The following CEP350 variants were observed in gnomAD, a reference collection of about 807,000 sequenced individuals.
CEP350 encodes the protein centrosome-associated protein 350.
Under a neutral mutation model 331.8 loss-of-function variants are expected in CEP350, and 126 were observed. The observed-to-expected ratio is 0.38, with a 90% confidence interval of 0.33 to 0.44. CEP350 has a LOEUF of 0.44. Among genes scored for constraint, CEP350 ranks in the 20% least tolerant of loss-of-function variants. The pLI is 1.00. For synonymous variants in CEP350, 1,200 were observed against 1,259.5 expected (o/e 0.95, Z 1.00); for missense variants, 3,406 against 3,634.6 (o/e 0.94, Z 1.62).
In CEP350 at chr1:179,990,488, G is replaced by A; in HGVS notation, c.121-19G>A. 7.8e-7 allele frequency: 1 copy of A among 1,278,154 alleles called. No homozygotes were observed. Among genetic ancestry groups the A allele is most frequent in the Non-Finnish European group, 1.1e-6 (1 of 900,016 alleles). 79.2% of individuals were successfully genotyped at this position (1,278,154 alleles called of 1,614,324 possible). ...TTTACAGAATTAACTTATGTCTTATGATGGTGTTTAAACTTTAGCTGAGAC... is the reference window on the plus strand; with the variant it reads ...TTTACAGAATTAACTTATGTCTTATAATGGTGTTTAAACTTTAGCTGAGAC... On this transcript the variant is annotated intron_variant, in intron 3 of 37. Transcript: ENST00000367607.
Position 180,020,346 on chromosome 1 carries a change from A to G in CEP350, c.2572A>G (p.Asn858Asp). The G allele has an allele frequency of 6.2e-7, 1 of 1,613,880 alleles. No homozygotes were observed. The highest frequency in any genetic ancestry group is 1.1e-5 in the South Asian group (1 of 91,084). The change falls in exon 12 of 38, where the codon AAC (asparagine) becomes GAC (aspartate). Residue 858 changes from asparagine (N) to aspartate (D), a missense_variant. Around this residue, in one of 5 missense-constraint regions of CEP350, gnomAD observed 1,857 missense variants for 1,909.2 expected, o/e 0.97. Transcript: ENST00000367607. ...CAGCATTAACTATGGGTCAGCATGGAACACTGAGTATGATGTGCAGCAGGC... is the reference window on the plus strand; with the variant it reads ...CAGCATTAACTATGGGTCAGCATGGGACACTGAGTATGATGTGCAGCAGGC... Reference protein sequence around the residue: ...GASINYGSAWNTEYDVQQAPQ... With the variant: ...GASINYGSAWDTEYDVQQAPQ...
chr1:179,999,775 T>C (rs2148729407), intron 6 of CEP350, among the ~76,000 whole-genome samples: 1 of 152,302 alleles, frequency 6.6e-6, no homozygotes, highest in East Asian at 1.9e-4. Flanking sequence ...TGTATTTATT[T>C]ATTTTCTTCC....
In CEP350 at chr1:180,086,559, AT is replaced by A. The variant is rs1435663271; in HGVS notation, c.6286-1018del. Reference sequence around the variant, plus strand: ...GATATGCATATATATATATATATATATAAAATACATAGCAGTTCATATAAAA... The same window carrying A: ...GATATGCATATATATATATATATATAAAAATACATAGCAGTTCATATAAAA... On this transcript the variant is annotated intron_variant, in intron 31 of 37. Coordinates refer to ENST00000367607, the MANE Select transcript of CEP350 (RefSeq NM_014810.5). Among the ~76,000 whole-genome samples, 446 of 151,508 alleles carry A rather than the reference AT, an allele frequency of 2.9e-3. 2 individuals carry two copies. The highest frequency in any genetic ancestry group is 0.01 in the African/African-American group (418 of 41,270).
intron 27 of CEP350, among the ~76,000 whole-genome samples, chr1:180,071,443 G>A (rs1350351262): frequency 7.0e-6 from 1 of 142,318 alleles, no homozygotes; most frequent in Non-Finnish European, 1.5e-5. Flanking sequence ...TGGGCAACAC[G>A]AGTGAAACTC....
intron 37 of CEP350, among the ~76,000 whole-genome samples, chr1:180,100,935 A>T (rs2149165682): frequency 6.6e-6 from 1 of 152,320 alleles, no homozygotes; most frequent in African/African-American, 2.4e-5. Context: ...GAATTCTGGG[A>T]GATACAATTC....
rs907765437 is a variant in CEP350 at position 180,114,518 on chromosome 1, C to T, written c.*3357C>T. 1 of 152,626 alleles carries T rather than the reference C, an allele frequency of 6.6e-6. No individual in the cohort carries two copies. Among genetic ancestry groups the T allele is most frequent in the African/African-American group, 2.4e-5 (1 of 41,446 alleles). 9.5% of individuals were successfully genotyped at this position (152,626 alleles called of 1,614,324 possible). A position where few individuals can be genotyped will look rare whatever the true frequency, so the allele number is the denominator to read the frequency against. ...TAAACTGATGTAAAGGAGGTACTGTCATTTTAATTAACCTATGTTTAATAG... is the reference window on the plus strand; with the variant it reads ...TAAACTGATGTAAAGGAGGTACTGTTATTTTAATTAACCTATGTTTAATAG... On this transcript the variant is annotated 3_prime_UTR_variant, in exon 38 of 38. Transcript: ENST00000367607.
At chr1:180,086,803 G>A (rs1170239697) in intron 31 of CEP350, among the ~76,000 whole-genome samples, 3 of 152,088 alleles carry the variant, frequency 2.0e-5, no homozygotes, top group African/African-American at 7.2e-5. Context: ...AGTGATTTCA[G>A]TCCAGATTTT....
At position 180,041,212 on chromosome 1, in the gene CEP350, G is replaced by C. The variant is rs1344054384; in HGVS notation, c.4185G>C (p.Gln1395His). Reference protein sequence around the residue: ...LKAEQEALESQRQLEETRNKA... With the variant: ...LKAEQEALESHRQLEETRNKA... ...CTGAACAAGAGGCTCTGGAGAGTCA[G>C]AGACAATTAGAAGAAACCCGAAACA... The change falls in exon 18 of 38, where the codon CAG becomes CAC. Residue 1395 changes from glutamine to histidine, a missense_variant. Gln to His is a conservative substitution (Grantham distance 24). This residue lies in a region of CEP350 where 1,857 missense variants were observed against 1,909.2 expected (regional missense o/e 0.97). Coordinates refer to ENST00000367607, the MANE Select transcript of CEP350 (RefSeq NM_014810.5). 1 of 1,595,604 alleles carries C rather than the reference G, an allele frequency of 6.3e-7. No homozygotes were observed. Among genetic ancestry groups the C allele is most frequent in the Non-Finnish European group, 8.5e-7 (1 of 1,171,048 alleles).
chr1:180,056,472 C>G (rs1369260632), intron 25 of CEP350, among the ~76,000 whole-genome samples: 1 of 116,614 alleles, frequency 8.6e-6, no homozygotes, highest in Non-Finnish European at 1.7e-5. Context: ...CCCTCCCCCC[C>G]CCCCTTTTTT....
chr1:180,088,101 T>C (rs1432747223), intron 32 of CEP350, among the ~76,000 whole-genome samples: 1 of 152,236 alleles, frequency 6.6e-6, no homozygotes, highest in East Asian at 1.9e-4. Flanking sequence ...AAATGTGGGG[T>C]ACTGAAAATC....
rs551513724 is a variant in CEP350, at chr1:180,110,588, T to G, written c.9190-409T>G. ...TTTTTGACTTAATGATATTTTCAAT[T>G]TACTGCGAATTTATTGGACATAACT... On this transcript the variant is annotated intron_variant, in intron 37 of 37. Transcript: ENST00000367607. Among the ~76,000 whole-genome samples, 139 of 152,338 alleles carry G rather than the reference T, an allele frequency of 9.1e-4. 1 individual carries two copies. The highest frequency in any genetic ancestry group is 3.2e-3 in the Admixed American group (49 of 15,302).
At chr1:179,982,939 C>T (rs556245704) in intron 1 of CEP350, among the ~76,000 whole-genome samples, 52 of 151,734 alleles carry the variant, frequency 3.4e-4, no homozygotes, top group African/African-American at 1.1e-3. Context: ...TACAGGCACC[C>T]GCCACCATGC....
At chr1:180,026,554 C>A (rs1390566059) in intron 14 of CEP350, among the ~76,000 whole-genome samples, 1 of 152,176 alleles carries the variant, frequency 6.6e-6, no homozygotes, top group Non-Finnish European at 1.5e-5. Context: ...GCAAGCATCA[C>A]CACTGTCCTT....
chr1:180,035,493 A>G (rs1185239443), intron 16 of CEP350, among the ~76,000 whole-genome samples: 1 of 152,184 alleles, frequency 6.6e-6, no homozygotes, highest in Admixed American at 6.5e-5. Context: ...CTGATGACTT[A>G]AAGTTGAAGC....
At chr1:180,048,505 G>A (rs1267970223) in intron 21 of CEP350, 31 bp from the exon 22 acceptor site, 9 of 1,478,368 alleles carry the variant, frequency 6.1e-6, no homozygotes, top group Non-Finnish European at 8.4e-6. Context: ...TGTTAATTTT[G>A]TTGTTGTTGT....
At chr1:180,015,631 A>G (rs1654926524) in intron 10 of CEP350, among the ~76,000 whole-genome samples, 1 of 152,044 alleles carries the variant, frequency 6.6e-6, no homozygotes, top group Non-Finnish European at 1.5e-5. Flanking sequence ...TTGACCTCTC[A>G]AAGTGCCTGG....
intron 27 of CEP350, among the ~76,000 whole-genome samples, chr1:180,074,617 T>C (rs536473378): frequency 1.6e-4 from 25 of 152,318 alleles, no homozygotes; most frequent in African/African-American, 5.1e-4. Flanking sequence ...TTGTTTTTGG[T>C]ATTTGTTGTT....
chr1:180,093,630 C>A lies in CEP350; in HGVS notation c.7525C>A (p.Gln2509Lys). The A allele has an allele frequency of 6.2e-7, 1 of 1,613,870 alleles. No individual in the cohort carries two copies. Among genetic ancestry groups the A allele is most frequent in the South Asian group, 1.1e-5 (1 of 91,038 alleles). ...TGATAGGGTGTTGATTGGAAATGTT[C>A]AGCCAGGAATTCTTCGATTCAAAGG... ...IGDRVLIGNV[Q>K]PGILRFKGET... is the part of the protein sequence containing the mutation. Residue 2509 changes from glutamine to lysine, a missense_variant, in exon 34 of 38, where the codon CAG (glutamine) becomes AAG (lysine). Gln to Lys is a moderately conservative substitution (Grantham distance 53). Transcript: ENST00000367607.
chr1:180,023,179 C>T (rs546206020), intron 13 of CEP350, among the ~76,000 whole-genome samples: 6 of 152,022 alleles, frequency 3.9e-5, no homozygotes, highest in South Asian at 2.1e-4. Flanking sequence ...GGCTGAGGCA[C>T]GAAAATCGCT....
Sources: allele counts gnomAD v4.1 joint callset (sites outside exome capture counted in the v4.1 genomes callset), GRCh38; gene constraint gnomAD v4.1.1; regional missense constraint gnomAD v4.1.1; transcripts MANE v1.5; gene names NCBI Gene and HGNC (gene_info 2026-07-23, HGNC 2026-07-21).